The following ABITRAM variants were observed in gnomAD, a reference collection of about 807,000 sequenced individuals.
ABITRAM encodes the protein actin binding transcription modulator.
A neutral mutation model predicts 22.9 loss-of-function variants in ABITRAM; 19 were observed. The observed-to-expected ratio is 0.83, with a 90% CI of 0.58 to 1.22. The LOEUF is 1.22. Among genes scored for constraint, ABITRAM ranks in the 50% most tolerant of loss-of-function variants. ABITRAM has a pLI of 0.00. For missense variants in ABITRAM, 215 were observed against 220.2 expected (o/e 0.98, Z 0.15); for synonymous variants, 70 against 73.9 (o/e 0.95, Z 0.27).
At chr9:108,943,593 A>G (rs1442937832), downstream of ABITRAM, 2 of 831,852 alleles carry the variant, frequency 2.4e-6, no homozygotes, top group Non-Finnish European at 3.7e-6. Flanking sequence ...CAAGGCATGA[A>G]AAAAGGAAAT....
At chr9:108,941,254 C>T (rs182256529), downstream of ABITRAM, among the ~76,000 whole-genome samples, 24 of 152,084 alleles carry the variant, frequency 1.6e-4, 1 homozygote, top group African/African-American at 5.8e-4. Flanking sequence ...AGACATGATA[C>T]ATGTAGTAAG....
chr9:108,934,531 C>G lies in ABITRAM; in HGVS notation c.45C>G (p.Leu15=), dbSNP rs777082884. 20 of 1,606,386 alleles carry G rather than the reference C, an allele frequency of 1.2e-5. No homozygotes were observed. In the South Asian group the frequency reaches 2.2e-4, roughly 18 times the overall value. Reference sequence around the variant, plus strand: ...CCGCGGAGCCGGTGGTGCCTTCGCTCGTGGATCGATACTTCACTCGCTGGT... The same window carrying G: ...CCGCGGAGCCGGTGGTGCCTTCGCTGGTGGATCGATACTTCACTCGCTGGT... ...PEAAEPVVPS[L]VDRYFTRWYK... Residue 15 remains leucine, a synonymous_variant, in exon 1 of 6, where the codon CTC becomes CTG. Transcript: ENST00000322940.
exon 4 of ABITRAM, chr9:108,950,547 G>T: frequency 6.4e-7 from 1 of 1,550,398 alleles, no homozygotes; most frequent in Admixed American, 2.0e-5. Flanking sequence ...GTCATCAAGA[G>T]GAAAATGATG....
rs1830187857 is a variant in ABITRAM at position 108,936,371 on chromosome 9, C to T, written c.195C>T (p.Ser65=). The T allele has an allele frequency of 6.2e-7, 1 of 1,613,818 alleles. No homozygotes were observed. Among genetic ancestry groups the T allele is most frequent in the South Asian group, 1.1e-5 (1 of 91,082 alleles). ...PVLQSGKTIK[S]ISYQISTNCS... ...TTCAAAGTGGAAAAACAATTAAAAG[C>T]ATTTCCTATCAGATCAGTACCAACT... The change falls in exon 3 of 6, where the codon AGC becomes AGT. Residue 65 remains serine (S), a synonymous_variant. Transcript: ENST00000322940.
chr9:108,942,715 T>C, downstream of ABITRAM: 1 of 1,142,946 alleles, frequency 8.7e-7, no homozygotes, highest in Non-Finnish European at 1.3e-6. Flanking sequence ...ATTTGATTTT[T>C]AAAAATGTCA....
chr9:108,945,201 T>C (rs1190335668), downstream of ABITRAM, among the ~76,000 whole-genome samples: 10 of 152,174 alleles, frequency 6.6e-5, no homozygotes, highest in African/African-American at 2.4e-4. Context: ...CCATGGGAGA[T>C]TGGTTCCCAG....
chr9:108,944,552 T>C (rs1321826665), downstream of ABITRAM, among the ~76,000 whole-genome samples: 1 of 152,176 alleles, frequency 6.6e-6, no homozygotes, highest in Non-Finnish European at 1.5e-5. Context: ...GTACCATGAA[T>C]TCTATAATTT....
intron 3 of ABITRAM, among the ~76,000 whole-genome samples, chr9:108,948,622 C>T (rs1830472217): frequency 6.6e-6 from 1 of 152,158 alleles, no homozygotes; most frequent in African/African-American, 2.4e-5. Flanking sequence ...CATTTCACTT[C>T]TAATTCTTAT....
chr9:108,942,874 GA>G (rs370545789), downstream of ABITRAM: 1,591 of 1,602,432 alleles, frequency 9.9e-4, 15 homozygotes, highest in African/African-American at 0.018. Flanking sequence ...GTTTCACTCT[GA>G]AAAAAAAATT....
chr9:108,938,290 T>C (rs1830212666), intron 3 of ABITRAM, among the ~76,000 whole-genome samples: 1 of 152,120 alleles, frequency 6.6e-6, no homozygotes, highest in Admixed American at 6.5e-5. Flanking sequence ...GCCAATATAG[T>C]AATATCTGAA....
At chr9:108,949,790 G>A (rs146151910) in intron 3 of ABITRAM, among the ~76,000 whole-genome samples, 3 of 152,294 alleles carry the variant, frequency 2.0e-5, no homozygotes, top group African/African-American at 7.2e-5. Context: ...ATTGCAGTGA[G>A]CCGAGATTGC....
intron 3 of ABITRAM, chr9:108,948,314 C>T: frequency 7.4e-7 from 1 of 1,353,986 alleles, no homozygotes; most frequent in Non-Finnish European, 1.0e-6. Flanking sequence ...AATTTTAGAG[C>T]ATTTGTGTAT....
At chr9:108,942,797 T>C (rs751937894), downstream of ABITRAM, 4 of 1,613,372 alleles carry the variant, frequency 2.5e-6, no homozygotes, top group Non-Finnish European at 3.4e-6. Context: ...AGTGTCCTTA[T>C]TTGTAACTGA....
intron 1 of ABITRAM, 109 bp downstream of exon 1, chr9:108,934,674 A>G: frequency 9.6e-7 from 1 of 1,037,926 alleles, no homozygotes; most frequent in East Asian, 3.1e-5. Flanking sequence ...CTCCGTCCCC[A>G]CGTCAGAAGG....
chr9:108,945,419 A>T (rs1319443432), downstream of ABITRAM, among the ~76,000 whole-genome samples: 14 of 139,864 alleles, frequency 1.0e-4, no homozygotes, highest in Non-Finnish European at 1.9e-4. Flanking sequence ...TTTAAAATGT[A>T]TTTTGTTTTT....
At chr9:108,938,013 AAAAGT>A (rs1192307227) in intron 3 of ABITRAM, among the ~76,000 whole-genome samples, 1 of 151,722 alleles carries the variant, frequency 6.6e-6, no homozygotes, top group East Asian at 1.9e-4. Flanking sequence ...AAAAAAAAAA[AAAAGT>A]AACACTCCTG....
intron 3 of ABITRAM, among the ~76,000 whole-genome samples, chr9:108,949,895 G>A (rs190788444): frequency 1.5e-4 from 22 of 150,938 alleles, no homozygotes; most frequent in Admixed American, 1.3e-3. Flanking sequence ...GTCATGATGT[G>A]TGCCTGTAAT....
At chr9:108,942,499 C>T (rs188325171), downstream of ABITRAM, 8 of 469,134 alleles carry the variant, frequency 1.7e-5, no homozygotes, top group Non-Finnish European at 3.0e-5. Context: ...GTCCTTGAGA[C>T]AGTTGGGATA....
intron 3 of ABITRAM, among the ~76,000 whole-genome samples, chr9:108,949,992 C>T (rs894791043): frequency 1.8e-4 from 27 of 150,240 alleles, no homozygotes; most frequent in Admixed American, 1.7e-3. Flanking sequence ...CCACTGCACT[C>T]CAGCCTGGGT....
Sources: allele counts gnomAD v4.1 joint callset (sites outside exome capture counted in the v4.1 genomes callset), GRCh38; gene constraint gnomAD v4.1.1; transcripts MANE v1.5; gene names NCBI Gene and HGNC (gene_info 2026-07-23, HGNC 2026-07-21).